Variants in GALNT9 observed in about 807,000 individuals in gnomAD.
GALNT9 encodes the protein polypeptide N-acetylgalactosaminyltransferase 9.
GALNT9 carries 47 observed loss-of-function variants against 63.1 expected under a neutral mutation model. The observed-to-expected ratio is 0.75, with a 90% confidence interval of 0.59 to 0.95. GALNT9 has a LOEUF of 0.95. Ranked by LOEUF, GALNT9 falls within the 40% of genes least tolerant of loss-of-function variation. The pLI is 0.00. For synonymous variants in GALNT9, 396 were observed against 365.7 expected, an observed-to-expected ratio of 1.08 and a Z score of -0.94; for missense variants, 829 against 874.8, an observed-to-expected ratio of 0.95 and a Z score of 0.66.
intron 2 of GALNT9, among the ~76,000 whole-genome samples, chr12:132,281,539 C>T (rs1483278600): frequency 6.6e-6 from 1 of 152,162 alleles, no homozygotes; most frequent in African/African-American, 2.4e-5. Flanking sequence ...GAGCTGTGTG[C>T]CTTCAAACCA....
chr12:132,324,275 G>T (rs996815253), intron 1 of GALNT9, among the ~76,000 whole-genome samples: 2 of 152,168 alleles, frequency 1.3e-5, no homozygotes, highest in Non-Finnish European at 2.9e-5. Flanking sequence ...AGGACATTCC[G>T]AGACGCACGC....
At chr12:132,210,316 G>A (rs999492938) in intron 6 of GALNT9, among the ~76,000 whole-genome samples, 11 of 152,358 alleles carry the variant, frequency 7.2e-5, no homozygotes, top group East Asian at 3.9e-4. Context: ...AAGGGCCTGC[G>A]GGCGAGGCCG....
At chr12:132,205,827 G>C (rs76226024) in intron 6 of GALNT9, 1 of 152,022 alleles carries the variant, frequency 6.6e-6, no homozygotes, top group Non-Finnish European at 1.5e-5. Flanking sequence ...AAGGGGCCCC[G>C]CTGGTGAATC....
At chr12:132,267,470 C>G (rs535698853) in intron 2 of GALNT9, among the ~76,000 whole-genome samples, 1 of 152,188 alleles carries the variant, frequency 6.6e-6, no homozygotes, top group African/African-American at 2.4e-5. Context: ...GAACCCACAC[C>G]GTCGCCCAGC....
intron 6 of GALNT9, chr12:132,240,365 A>G (rs2136898152): frequency 5.7e-6 from 2 of 348,150 alleles, no homozygotes; most frequent in Admixed American, 7.6e-5. Context: ...CCCACTGTAC[A>G]CCCCATGCTG....
At position 132,216,846 on chromosome 12, in the gene GALNT9, G is replaced by A. The variant is rs535190615; in HGVS notation, c.1078-13156C>T. Among the ~76,000 whole-genome samples the A allele has an allele frequency of 1.3e-4, 20 of 152,342 alleles. No homozygotes were observed. The South Asian group carries it at 1.9e-3, about 14-fold the overall frequency. ...GTGAGGCGGCGTTTCTGGGCTTTTCGCCCTTGTGGGCAGTCTGCCCTTGTA... is the reference window on the plus strand; with the variant it reads ...GTGAGGCGGCGTTTCTGGGCTTTTCACCCTTGTGGGCAGTCTGCCCTTGTA... On this transcript the variant is annotated intron_variant, in intron 6 of 10. Transcript: ENST00000328957.
chr12:132,215,567 A>C (rs1877150597), intron 6 of GALNT9, among the ~76,000 whole-genome samples: 1 of 152,244 alleles, frequency 6.6e-6, no homozygotes, highest in Admixed American at 6.5e-5. Context: ...GGGCCAGGCA[A>C]GGCTAGCGTG....
At position 132,247,995 on chromosome 12, in the gene GALNT9, A is replaced by C; in HGVS notation, c.992T>G (p.Val331Gly). The C allele has an allele frequency of 6.4e-7, 1 of 1,551,422 alleles. No homozygotes were observed. The highest frequency in any genetic ancestry group is 8.7e-7 in the Non-Finnish European group (1 of 1,146,996). The change falls in exon 6 of 11, where the codon GTG becomes GGG. Residue 331 changes from valine (V) to glycine (G), a missense_variant. Val to Gly is a moderately radical substitution (Grantham distance 109). Coordinates refer to ENST00000328957, the MANE Select transcript of GALNT9 (RefSeq NM_001122636.2). ...AATGTCTCCGAAGTACTCGCGGTCC[A>C]CTACGAAGGAGCAGCCGATCATGGC... ...TPAMIGCSFV[V>G]DREYFGDIGL...
At chr12:132,276,721 T>G (rs1355519185) in intron 2 of GALNT9, among the ~76,000 whole-genome samples, 2 of 152,234 alleles carry the variant, frequency 1.3e-5, no homozygotes, top group African/African-American at 4.8e-5. Flanking sequence ...CATTATCCCA[T>G]GGGCCAGTCT....
chr12:132,201,399 C>A, intron 7 of GALNT9, 138 bp from the exon 8 acceptor site: 1 of 568,404 alleles, frequency 1.8e-6, no homozygotes, highest in South Asian at 2.0e-5. Flanking sequence ...ATGCTGAGGC[C>A]CCATCCAGTT....
At chr12:132,308,393 C>A (rs782711768) in intron 1 of GALNT9, among the ~76,000 whole-genome samples, 9 of 152,238 alleles carry the variant, frequency 5.9e-5, no homozygotes, top group Non-Finnish European at 1.2e-4. Context: ...GCAAGCAGAC[C>A]CCGAAACACC....
intron 1 of GALNT9, among the ~76,000 whole-genome samples, chr12:132,326,721 A>T (rs1241789210): frequency 6.6e-6 from 1 of 152,206 alleles, no homozygotes; most frequent in Non-Finnish European, 1.5e-5. Context: ...ATTAGTATCG[A>T]GTGGGAGCTC....
chr12:132,322,964 T>C (rs1380034107), intron 1 of GALNT9, among the ~76,000 whole-genome samples: 1 of 152,128 alleles, frequency 6.6e-6, no homozygotes, highest in African/African-American at 2.4e-5. Context: ...ACAGGGGCAC[T>C]TCCTCGGGCT....
At position 132,315,617 on chromosome 12, in the gene GALNT9, G is replaced by A. The variant is rs1044482400; in HGVS notation, c.238+13349C>T. Among the ~76,000 whole-genome samples, 13 of 152,188 alleles carry A rather than the reference G, an allele frequency of 8.5e-5. No individual in the cohort carries two copies. The highest frequency in any genetic ancestry group is 7.3e-5 in the Non-Finnish European group (5 of 68,034). On this transcript the variant is annotated intron_variant, in intron 1 of 10. Coordinates refer to ENST00000328957, the MANE Select transcript of GALNT9 (RefSeq NM_001122636.2). The surrounding 1 kb of genome is among the most constrained non-coding windows in gnomAD (Gnocchi z 6.1). ...TGGGATGTGGGCGAGGTTGCGCCGC[G>A]GCTGCTGATCTGAGAAGGTCGCGTC...
chr12:132,304,479 G>C (rs72488124), intron 1 of GALNT9, among the ~76,000 whole-genome samples: 78 of 5,000 alleles, frequency 0.016, no homozygotes, highest in Admixed American at 0.034. Context: ...CCGGGCACAC[G>C]CTCACCCAGA....
chr12:132,313,889 T>C (rs1881921828), intron 1 of GALNT9, among the ~76,000 whole-genome samples: 1 of 106,914 alleles, frequency 9.4e-6, no homozygotes. Context: ...CGTACATACA[T>C]ACATACATAC....
At chr12:132,291,643 A>ATGG (rs1880857335) in intron 1 of GALNT9, among the ~76,000 whole-genome samples, 1 of 140,340 alleles carries the variant, frequency 7.1e-6, no homozygotes, top group African/African-American at 2.7e-5. Flanking sequence ...ACCCACATCC[A>ATGG]CAGCACCCAG....
chr12:132,214,255 C>T (rs977185431), intron 6 of GALNT9, among the ~76,000 whole-genome samples: 2 of 152,206 alleles, frequency 1.3e-5, no homozygotes, highest in African/African-American at 4.8e-5. Context: ...TCCGCCCTCC[C>T]TCACCACACC....
chr12:132,211,785 G>A (rs1876965252), intron 6 of GALNT9, among the ~76,000 whole-genome samples: 1 of 152,216 alleles, frequency 6.6e-6, no homozygotes, highest in Non-Finnish European at 1.5e-5. Context: ...TGAGGAGTAT[G>A]TCCAAGTCAC....
Sources: allele counts gnomAD v4.1 joint callset (sites outside exome capture counted in the v4.1 genomes callset), GRCh38; gene constraint gnomAD v4.1.1; non-coding constraint Gnocchi (gnomAD v3.1); transcripts MANE v1.5; gene names NCBI Gene and HGNC (gene_info 2026-07-23, HGNC 2026-07-21).